Variants in SYTL3 observed in about 807,000 individuals in gnomAD.
SYTL3 encodes synaptotagmin like 3, also known as synaptotagmin-like protein 3.
SYTL3 carries 88 observed loss-of-function variants against 82.1 expected under a neutral mutation model. The observed-to-expected ratio is 1.07, with a 90% confidence interval of 0.90 to 1.28. The LOEUF (loss-of-function observed/expected upper bound fraction) is 1.28. Among genes scored for constraint, SYTL3 ranks in the 50% most tolerant of loss-of-function variants. The pLI, the probability that SYTL3 is intolerant of heterozygous loss-of-function variation, is 0.00. For missense variants in SYTL3, 831 were observed against 757.6 expected, an observed-to-expected ratio of 1.10 and a Z score of -1.14; for synonymous variants, 311 against 289.4, an observed-to-expected ratio of 1.07 and a Z score of -0.76.
intron 2 of SYTL3, among the ~76,000 whole-genome samples, chr6:158,658,280 AT>A (rs887013761): frequency 5.9e-5 from 9 of 151,920 alleles, no homozygotes; most frequent in South Asian, 4.2e-4. Flanking sequence ...GTTAATTAAA[AT>A]TTTTTTTTGC....
rs1318478621 is a variant in SYTL3 at position 158,708,317 on chromosome 6, G to A, written c.447-5G>A. The A allele has an allele frequency of 1.2e-6, 2 of 1,613,664 alleles. No individual in the cohort carries two copies. The highest frequency in any genetic ancestry group is 1.7e-6 in the Non-Finnish European group (2 of 1,179,612). On this transcript the variant is annotated splice_region_variant and splice_polypyrimidine_tract_variant and intron_variant, in intron 7 of 17. Coordinates refer to ENST00000611299, the MANE Select transcript of SYTL3 (RefSeq NM_001242394.2). ...CATTTCTTATGCCTGTGTTTTCCTT[G>A]GCAGCAAAATTTCTGTGGTTCCTCC...
At chr6:158,728,662 C>T (rs58374202) in intron 11 of SYTL3, among the ~76,000 whole-genome samples, 1,646 of 152,250 alleles carry the variant, frequency 0.011, 41 homozygotes, top group African/African-American at 0.037. Flanking sequence ...ACATTAAGGC[C>T]GGGCGCGGTG....
At chr6:158,719,986 G>A (rs185209557) in intron 10 of SYTL3, among the ~76,000 whole-genome samples, 1 of 152,316 alleles carries the variant, frequency 6.6e-6, no homozygotes, top group Admixed American at 6.5e-5. Flanking sequence ...CTACTAGGGA[G>A]ACTGAGGTGG....
At chr6:158,650,759 A>G (rs896540838) in intron 1 of SYTL3, among the ~76,000 whole-genome samples, 4 of 150,942 alleles carry the variant, frequency 2.7e-5, no homozygotes, top group Admixed American at 2.0e-4. Flanking sequence ...CCTGGCCAAC[A>G]TGATGAAACC....
chr6:158,756,385 G>C (rs966790047), intron 13 of SYTL3, among the ~76,000 whole-genome samples: 1 of 152,248 alleles, frequency 6.6e-6, no homozygotes. Context: ...AATGGAGGAG[G>C]GGGGAGTTCA....
At chr6:158,676,663 A>G (rs946511185) in intron 5 of SYTL3, among the ~76,000 whole-genome samples, 3 of 152,346 alleles carry the variant, frequency 2.0e-5, no homozygotes, top group Non-Finnish European at 2.9e-5. Context: ...TCATCTGACA[A>G]AGGGCTAATA....
intron 5 of SYTL3, among the ~76,000 whole-genome samples, chr6:158,671,100 G>C (rs71565712): frequency 6.6e-6 from 1 of 151,858 alleles, no homozygotes; most frequent in Non-Finnish European, 1.5e-5. Flanking sequence ...CACGGCGCCC[G>C]GCCTATGGAG....
intron 6 of SYTL3, among the ~76,000 whole-genome samples, chr6:158,698,809 T>TG (rs1464375459): frequency 7.8e-6 from 1 of 127,598 alleles, no homozygotes; most frequent in Non-Finnish European, 1.6e-5. Flanking sequence ...ACAGATTTCC[T>TG]GGGGGTGGGC....
At chr6:158,715,631 C>T (rs1271272722) in intron 9 of SYTL3, among the ~76,000 whole-genome samples, 2 of 39,894 alleles carry the variant, frequency 5.0e-5, no homozygotes, top group Admixed American at 1.9e-4. Context: ...GCACCCAGCA[C>T]CCCCCATACC....
rs764463096 is a variant in SYTL3 at position 158,762,221 on chromosome 6, T to C, written c.1517+43T>C. 7.7e-6 allele frequency: 11 copies of C among 1,431,480 alleles called. No individual in the cohort carries two copies. In the Middle Eastern group the frequency reaches 1.1e-3, roughly 137 times the overall value. 88.7% of individuals were successfully genotyped at this position (1,431,480 alleles called of 1,614,324 possible). A position where few individuals can be genotyped will look rare whatever the true frequency, so the allele number is the denominator to read the frequency against. ...TCAAATATTTATTGGTGATCTAGTA[T>C]ACATCACAACATGGCCCAGAACCTG... On this transcript the variant is annotated intron_variant, in intron 16 of 17. Coordinates refer to ENST00000611299, the MANE Select transcript of SYTL3 (RefSeq NM_001242394.2).
At chr6:158,684,825 A>C (rs888445038) in intron 6 of SYTL3, among the ~76,000 whole-genome samples, 4 of 151,878 alleles carry the variant, frequency 2.6e-5, no homozygotes, top group African/African-American at 7.3e-5. Flanking sequence ...AAAAAAAAAA[A>C]AACGCTGCTT....
chr6:158,686,066 A>C, intron 6 of SYTL3, among the ~76,000 whole-genome samples: 1 of 152,180 alleles, frequency 6.6e-6, no homozygotes, highest in East Asian at 1.9e-4. Context: ...GCATGAATGT[A>C]TGTGTGTGTG....
At chr6:158,667,196 G>T (rs1255690662) in intron 5 of SYTL3, among the ~76,000 whole-genome samples, 7 of 152,130 alleles carry the variant, frequency 4.6e-5, no homozygotes, top group Admixed American at 4.6e-4. Context: ...AAAACAAGAG[G>T]ACAAGGTCTG....
chr6:158,668,534 A>C (rs1342058722), intron 5 of SYTL3, among the ~76,000 whole-genome samples: 1 of 129,342 alleles, frequency 7.7e-6, no homozygotes, highest in African/African-American at 3.8e-5. Flanking sequence ...CGGCCGGCAG[A>C]GTCTTAAAAG....
At chr6:158,726,028 T>C in intron 11 of SYTL3, 1 of 621,406 alleles carries the variant, frequency 1.6e-6, no homozygotes, top group South Asian at 1.4e-5. Flanking sequence ...AGTCCACGTG[T>C]GTGTCCAATC....
At chr6:158,678,902 C>G (rs1034145236) in intron 5 of SYTL3, among the ~76,000 whole-genome samples, 1 of 152,210 alleles carries the variant, frequency 6.6e-6, no homozygotes, top group Non-Finnish European at 1.5e-5. Context: ...CATAAATCTT[C>G]CAAGAAACTT....
chr6:158,663,818 A>C (rs1789671542), intron 4 of SYTL3, among the ~76,000 whole-genome samples: 1 of 152,092 alleles, frequency 6.6e-6, no homozygotes, highest in South Asian at 2.1e-4. Flanking sequence ...AGCAACTCTG[A>C]TGGAATCCAG....
intron 16 of SYTL3, 66 bp from the exon 17 acceptor site, chr6:158,763,238 G>A (rs767243750): frequency 5.5e-4 from 816 of 1,473,480 alleles, no homozygotes; most frequent in Non-Finnish European, 2.6e-4. Context: ...CTGCACTGAC[G>A]CACAGGCCTC....
intron 2 of SYTL3, among the ~76,000 whole-genome samples, chr6:158,653,894 CAG>C (rs1021333666): frequency 6.6e-6 from 1 of 152,198 alleles, no homozygotes; most frequent in African/African-American, 2.4e-5. Context: ...ACTGACTGCT[CAG>C]AGACAATAGA....
Sources: allele counts gnomAD v4.1 joint callset (sites outside exome capture counted in the v4.1 genomes callset), GRCh38; gene constraint gnomAD v4.1.1; transcripts MANE v1.5; gene names NCBI Gene and HGNC (gene_info 2026-07-23, HGNC 2026-07-21).